Variants in CPSF3 observed in about 807,000 individuals in gnomAD.
CPSF3 encodes the protein cleavage and polyadenylation specificity factor subunit 3.
CPSF3 carries 57 observed loss-of-function variants against 84.1 expected under a neutral mutation model. The observed-to-expected ratio is 0.68, with a 90% CI of 0.55 to 0.85. CPSF3 has a LOEUF of 0.85. Among genes scored for constraint, CPSF3 ranks in the 40% least tolerant of loss-of-function variants. The pLI is 0.00. For missense variants in CPSF3, 522 were observed against 838.8 expected, an observed-to-expected ratio of 0.62 and a Z score of 4.66; for synonymous variants, 275 against 278.1, an observed-to-expected ratio of 0.99 and a Z score of 0.11.
chr2:9,427,536 A>G (rs1330730919), intron 1 of CPSF3, among the ~76,000 whole-genome samples: 2 of 152,222 alleles, frequency 1.3e-5, no homozygotes, highest in African/African-American at 4.8e-5. Flanking sequence ...AATTACAAAT[A>G]AAAAATGTTT....
intron 14 of CPSF3, among the ~76,000 whole-genome samples, chr2:9,458,184 A>T (rs1042417115): frequency 5.9e-5 from 9 of 152,100 alleles, no homozygotes; most frequent in African/African-American, 1.9e-4. Context: ...CAGGTGAATC[A>T]CCTGAGATCA....
At chr2:9,436,495 C>T (rs968960994) in intron 7 of CPSF3, 134 bp downstream of exon 7, 10 of 974,950 alleles carry the variant, frequency 1.0e-5, no homozygotes, top group African/African-American at 3.3e-5. Flanking sequence ...GATTTGGGGC[C>T]GGGCGCGGTG....
intron 7 of CPSF3, 32 bp downstream of exon 7, chr2:9,436,393 T>C: frequency 6.4e-7 from 1 of 1,573,806 alleles, no homozygotes; most frequent in African/African-American, 1.4e-5. Flanking sequence ...TAGGCGATGA[T>C]CAAAATCTTG....
At chr2:9,431,529 A>ATATATTTTTTTTCTTTTTTTTTTTTTT in intron 4 of CPSF3, among the ~76,000 whole-genome samples, 1 of 131,684 alleles carries the variant, frequency 7.6e-6, no homozygotes. Context: ...AAATATACAT[A>ATATATTTTTTTTCTTTTTTTTTTTTTT]TTTTTTTTTT....
intron 7 of CPSF3, among the ~76,000 whole-genome samples, chr2:9,439,472 C>CA (rs34127364): frequency 0.016 from 1,667 of 104,080 alleles, 47 homozygotes; most frequent in African/African-American, 0.057. Flanking sequence ...GACTCCATCT[C>CA]AAAAAAAAAA....
chr2:9,463,882 AC>A (rs1681817404), intron 15 of CPSF3, among the ~76,000 whole-genome samples: 1 of 152,192 alleles, frequency 6.6e-6, no homozygotes, highest in Non-Finnish European at 1.5e-5. Flanking sequence ...TGCAACAGCG[AC>A]CCTGTGGTTT....
chr2:9,429,873 T>A, intron 2 of CPSF3, 50 bp from the exon 3 acceptor site: 1 of 1,297,944 alleles, frequency 7.7e-7, no homozygotes. Flanking sequence ...GCCGAATGAA[T>A]TTTAATAAAA....
At chr2:9,435,830 T>G (rs1373174518) in intron 6 of CPSF3, among the ~76,000 whole-genome samples, 1 of 152,140 alleles carries the variant, frequency 6.6e-6, no homozygotes, top group Non-Finnish European at 1.5e-5. Flanking sequence ...CCTCCTGGGT[T>G]CAAACAGCTC....
rs1680557545 is a variant in CPSF3, at chr2:9,430,768, T to C, written c.229T>C (p.Cys77Arg). 6.2e-7 allele frequency: 1 copy of C among 1,613,040 alleles called. No homozygotes were observed. Among genetic ancestry groups the C allele is most frequent in the Non-Finnish European group, 8.5e-7 (1 of 1,179,638 alleles). ...CTTTTTAAGTTTCCATTTGGATCAC[T>C]GTGGAGCTCTGCCCTGGTTTCTACA... The part of the protein sequence containing the change: ...LLISHFHLDH[C>R]GALPWFLQKT... The change falls in exon 4 of 18, where the codon TGT becomes CGT. Residue 77 changes from cysteine to arginine, a missense_variant. By Grantham distance (180) the Cys-to-Arg change is radical. This residue lies in a region of CPSF3 where 329 missense variants were observed against 607.2 expected (regional missense o/e 0.54). Coordinates refer to ENST00000238112, the MANE Select transcript of CPSF3 (RefSeq NM_016207.4).
At chr2:9,437,686 T>C (rs898119366) in intron 7 of CPSF3, among the ~76,000 whole-genome samples, 1 of 152,176 alleles carries the variant, frequency 6.6e-6, no homozygotes, top group Non-Finnish European at 1.5e-5. Context: ...AGCACTCTTA[T>C]TGAAGAATAA....
At position 9,424,504 on chromosome 2, in the gene CPSF3, TC is replaced by T. The variant is rs1225461882; in HGVS notation, c.50+683del. On this transcript the variant is annotated intron_variant, in intron 1 of 17. Transcript: ENST00000238112. ...AGATGCAAATGTAGAGAACTTGAAT[TC>T]CTACAGATGAGCATTTCGAACCCAC... is the stretch of plus-strand genomic sequence containing the variant. The T allele has an allele frequency of 2.0e-5, 3 of 153,654 alleles. No homozygotes were observed. In the East Asian group the frequency reaches 5.8e-4, roughly 30 times the overall value. 9.5% of individuals were successfully genotyped at this position (153,654 alleles called of 1,614,324 possible). A position where few individuals can be genotyped will look rare whatever the true frequency, so the allele number is the denominator to read the frequency against.
At chr2:9,464,462 T>C (rs1333178168) in intron 15 of CPSF3, among the ~76,000 whole-genome samples, 2 of 152,168 alleles carry the variant, frequency 1.3e-5, no homozygotes, top group Non-Finnish European at 2.9e-5. Flanking sequence ...ACATGTCAAT[T>C]AAGTGCTTAT....
chr2:9,450,724 G>A (rs1034249479), intron 11 of CPSF3, among the ~76,000 whole-genome samples: 1 of 152,132 alleles, frequency 6.6e-6, no homozygotes, highest in Non-Finnish European at 1.5e-5. Context: ...GGAGGCGGAG[G>A]TTGCAGTGAG....
At chr2:9,458,888 G>A (rs1406807141) in intron 14 of CPSF3, among the ~76,000 whole-genome samples, 11 of 152,050 alleles carry the variant, frequency 7.2e-5, no homozygotes, top group South Asian at 4.2e-4. Flanking sequence ...CGAGGTGGGC[G>A]GATCACCTGA....
chr2:9,450,117 C>A (rs1223990717), intron 11 of CPSF3, among the ~76,000 whole-genome samples: 1 of 150,920 alleles, frequency 6.6e-6, no homozygotes, highest in African/African-American at 2.4e-5. Flanking sequence ...CCCCTCTCAG[C>A]CTCCCAAGTA....
Position 9,457,147 on chromosome 2 carries a change from A to G in CPSF3, c.1698+120A>G, listed in dbSNP as rs947060611. On this transcript the variant is annotated intron_variant, in intron 14 of 17. Coordinates refer to ENST00000238112, the MANE Select transcript of CPSF3 (RefSeq NM_016207.4). Reference sequence around the variant, plus strand: ...GAAAAAGAATATTGTTGGAAAGTATATGTGTGTGTGTGTGTGTGTGTGTGT... The same window carrying G: ...GAAAAAGAATATTGTTGGAAAGTATGTGTGTGTGTGTGTGTGTGTGTGTGT... 1.6e-3 allele frequency: 551 copies of G among 334,022 alleles called. No homozygotes were observed. The highest frequency in any genetic ancestry group is 2.0e-3 in the Non-Finnish European group (357 of 182,954). The allele number at this position is 334,022 out of a possible 1,614,324, so 20.7% of individuals were successfully genotyped here.
chr2:9,455,565 C>A (rs959585310), intron 12 of CPSF3, 94 bp from the exon 13 acceptor site: 20 of 866,004 alleles, frequency 2.3e-5, no homozygotes, highest in Middle Eastern at 2.3e-4. Context: ...AAAACATGTT[C>A]ACATTTACTT....
intron 17 of CPSF3, 145 bp downstream of exon 17, chr2:9,471,584 T>C: frequency 1.6e-6 from 1 of 611,688 alleles, no homozygotes; most frequent in Non-Finnish European, 3.0e-6. Context: ...ACATTGTTCT[T>C]TTTATATTAT....
At chr2:9,440,006 T>G (rs1191190504) in intron 7 of CPSF3, among the ~76,000 whole-genome samples, 1 of 149,382 alleles carries the variant, frequency 6.7e-6, no homozygotes, top group African/African-American at 2.6e-5. Flanking sequence ...AATAGCATAA[T>G]ATGACTATAC....
Sources: gnomAD v4.1 joint callset for allele counts (sites outside exome capture counted in the v4.1 genomes callset) on GRCh38, gnomAD v4.1.1 for gene constraint, gnomAD v4.1.1 regional missense constraint, MANE v1.5 for transcripts, NCBI Gene and HGNC (gene_info 2026-07-23, HGNC 2026-07-21) for gene names.